Variants in PRIM2 observed in about 807,000 individuals in gnomAD.
PRIM2 encodes DNA primase large subunit.
Under a neutral mutation model 67.3 loss-of-function variants are expected in PRIM2, and 39 were observed. That is an observed-to-expected ratio of 0.58 (90% CI 0.45 to 0.76). PRIM2 has a LOEUF of 0.76. PRIM2 is among the 30% of genes least tolerant of loss of function. The pLI is 0.00. For synonymous variants in PRIM2, 143 were observed against 198.7 expected (o/e 0.72, Z 2.36); for missense variants, 398 against 598.7 (o/e 0.66, Z 3.50).
chr6:57,477,146 A>G (rs1389948448), intron 7 of PRIM2, among the ~76,000 whole-genome samples: 4 of 152,038 alleles, frequency 2.6e-5, no homozygotes, highest in African/African-American at 9.7e-5. Flanking sequence ...GCTTGCCACC[A>G]TGCCCAGCTG....
intron 5 of PRIM2, among the ~76,000 whole-genome samples, chr6:57,366,928 T>C (rs112211173): frequency 5.9e-5 from 9 of 151,790 alleles, no homozygotes; most frequent in South Asian, 4.2e-4. Context: ...TTAAATTACC[T>C]ATTTTTTTTC....
chr6:57,498,098 T>G (rs1774046880), intron 7 of PRIM2, among the ~76,000 whole-genome samples: 1 of 152,198 alleles, frequency 6.6e-6, no homozygotes, highest in Admixed American at 6.6e-5. Flanking sequence ...ATAAAAGTGA[T>G]AGTTCTGTTG....
At chr6:57,222,912 C>G in the PRIM2 span, among the ~76,000 whole-genome samples, 46 of 152,308 alleles carry the variant, frequency 3.0e-4, no homozygotes, top group African/African-American at 9.6e-4. Flanking sequence ...GCAAAAGGTG[C>G]ATACCCTATG....
the PRIM2 span, among the ~76,000 whole-genome samples, chr6:57,300,457 G>T: frequency 0.74 from 112,325 of 151,878 alleles, 41,708 homozygotes; most frequent in East Asian, 0.94. Flanking sequence ...GTGTGTATGT[G>T]CGTGTGTGTG....
At chr6:57,310,116 A>G (rs538434005), upstream of PRIM2, among the ~76,000 whole-genome samples, 2 of 152,262 alleles carry the variant, frequency 1.3e-5, no homozygotes, top group South Asian at 4.2e-4. Flanking sequence ...AAACAACCCC[A>G]TCAAAAAGTG....
At chr6:57,240,744 C>T in the PRIM2 span, among the ~76,000 whole-genome samples, 30 of 152,200 alleles carry the variant, frequency 2.0e-4, no homozygotes, top group East Asian at 5.8e-3. Context: ...ACTTACATTT[C>T]TAGAATACAG....
Position 57,356,632 on chromosome 6 carries a change from A to T in PRIM2, c.460-23269A>T, listed in dbSNP as rs551072323. 1.3e-3 allele frequency among the ~76,000 whole-genome samples: 196 copies of T among 152,316 alleles called. 5 individuals carry two copies. In the East Asian group the frequency reaches 0.017, roughly 13 times the overall value. ...CATGCAGTCTGAGGAGGTTAGGGAT[A>T]TGTGTAAATTGTTGCTAAACTGACA... On this transcript the variant is annotated intron_variant, in intron 5 of 13. Coordinates refer to ENST00000615550, the MANE Select transcript of PRIM2 (RefSeq NM_000947.5).
Position 57,324,411 on chromosome 6 carries a change from T to C in PRIM2, c.338+131T>C, listed in dbSNP as rs1430969940. ...CATCAGGAGCCGGTTGATCATGGGGTTGAACACTGACAGTAAATTGTTTGG... is the reference window on the plus strand; with the variant it reads ...CATCAGGAGCCGGTTGATCATGGGGCTGAACACTGACAGTAAATTGTTTGG... On this transcript the variant is annotated intron_variant, in intron 4 of 13. Coordinates refer to ENST00000615550, the MANE Select transcript of PRIM2 (RefSeq NM_000947.5). 6.2e-6 allele frequency: 3 copies of C among 486,808 alleles called. No homozygotes were observed. The Admixed American group carries it at 1.1e-4, about 17-fold the overall frequency. 30.2% of individuals were successfully genotyped at this position (486,808 alleles called of 1,614,324 possible).
intron 10 of PRIM2, among the ~76,000 whole-genome samples, chr6:57,578,138 G>A (rs1220252851): frequency 2.6e-5 from 4 of 152,148 alleles, no homozygotes; most frequent in African/African-American, 9.7e-5. Flanking sequence ...CAGGACAGGC[G>A]TGATGTTCGC....
rs116882797 is a variant in PRIM2 at position 57,320,942 on chromosome 6, A to G, written c.258+382A>G. Reference sequence around the variant, plus strand: ...TGCTCCAGGAACTCCAAAAACATACATAATTATGCAGCTCAGATTGGGGAG... The same window carrying G: ...TGCTCCAGGAACTCCAAAAACATACGTAATTATGCAGCTCAGATTGGGGAG... On this transcript the variant is annotated intron_variant, in intron 3 of 13. Coordinates refer to ENST00000615550, the MANE Select transcript of PRIM2 (RefSeq NM_000947.5). 1.4e-4 allele frequency among the ~76,000 whole-genome samples: 21 copies of G among 152,338 alleles called. No homozygotes were observed. In the East Asian group the frequency reaches 3.9e-3, roughly 28 times the overall value.
chr6:57,638,740 G>T (rs2127500994), intron 13 of PRIM2, among the ~76,000 whole-genome samples: 1 of 152,170 alleles, frequency 6.6e-6, no homozygotes, highest in African/African-American at 2.4e-5. Context: ...ACCCAATACA[G>T]GAGTGGCCAG....
intron 7 of PRIM2, among the ~76,000 whole-genome samples, chr6:57,427,219 A>G (rs1358821004): frequency 2.6e-5 from 4 of 152,346 alleles, no homozygotes; most frequent in East Asian, 1.9e-4. Flanking sequence ...TCCAGATTTC[A>G]TAAGTATTTA....
At chr6:57,419,259 G>A (rs12212301) in intron 7 of PRIM2, among the ~76,000 whole-genome samples, 1 of 152,128 alleles carries the variant, frequency 6.6e-6, no homozygotes, top group Admixed American at 6.5e-5. Flanking sequence ...ACTGGTTCTG[G>A]AGAATGGGGT....
intron 13 of PRIM2, among the ~76,000 whole-genome samples, chr6:57,637,814 T>C (rs1777150913): frequency 6.6e-6 from 1 of 152,174 alleles, no homozygotes; most frequent in African/African-American, 2.4e-5. Flanking sequence ...TGGAACTAAG[T>C]TGGAAAACAC....
At chr6:57,627,582 T>C (rs1327232774) in intron 12 of PRIM2, among the ~76,000 whole-genome samples, 1 of 151,698 alleles carries the variant, frequency 6.6e-6, no homozygotes, top group Admixed American at 6.6e-5. Context: ...AGACATGGGG[T>C]TTCCCCATGT....
chr6:57,335,918 G>A lies in PRIM2; in HGVS notation c.459+9873G>A, dbSNP rs543807495. Among the ~76,000 whole-genome samples, 650 of 152,106 alleles carry A rather than the reference G, an allele frequency of 4.3e-3. 5 individuals carry two copies. Among genetic ancestry groups the A allele is most frequent in the African/African-American group, 0.015 (621 of 41,500 alleles). On this transcript the variant is annotated intron_variant, in intron 5 of 13. Transcript: ENST00000615550. ...AGATGATCAAATTACTCCGAGCTAC[G>A]GGAGGACATTCAAACCAAAGGCAAA... is the stretch of plus-strand genomic sequence containing the variant.
intron 5 of PRIM2, among the ~76,000 whole-genome samples, chr6:57,340,615 C>T (rs1006910739): frequency 6.6e-6 from 1 of 152,046 alleles, no homozygotes; most frequent in Admixed American, 6.5e-5. Flanking sequence ...AACAAAAAAC[C>T]AAACACCACA....
chr6:57,543,174 C>T (rs1249692269), intron 10 of PRIM2, among the ~76,000 whole-genome samples: 9 of 151,284 alleles, frequency 5.9e-5, no homozygotes, highest in South Asian at 2.1e-4. Context: ...CTCCTGACCT[C>T]GTGATCCGCC....
chr6:57,306,142 A>G, the PRIM2 span, among the ~76,000 whole-genome samples: 1 of 152,216 alleles, frequency 6.6e-6, no homozygotes, highest in African/African-American at 2.4e-5. Context: ...GATTCATTTC[A>G]CTTCGTACCC....
Sources: allele counts gnomAD v4.1 joint callset (sites outside exome capture counted in the v4.1 genomes callset), GRCh38; gene constraint gnomAD v4.1.1; transcripts MANE v1.5; gene names NCBI Gene and HGNC (gene_info 2026-07-23, HGNC 2026-07-21).